DLGAP1: variants seen among roughly 807,000 people sequenced by gnomAD.
DLGAP1 encodes disks large-associated protein 1.
A neutral mutation model predicts 90.8 loss-of-function variants in DLGAP1; 11 were observed. The observed-to-expected ratio is 0.12, with a 90% confidence interval of 0.08 to 0.20. DLGAP1 has a LOEUF of 0.20. Among genes scored for constraint, DLGAP1 ranks in the 10% least tolerant of loss-of-function variants. DLGAP1 has a pLI of 1.00. For synonymous variants in DLGAP1, 558 were observed against 540.7 expected (o/e 1.03, Z -0.44); for missense variants, 1,050 against 1,333.8 (o/e 0.79, Z 3.31).
chr18:3,635,132 ATTTT>A (rs149375716), intron 7 of DLGAP1, among the ~76,000 whole-genome samples: 1 of 140,228 alleles, frequency 7.1e-6, no homozygotes. Flanking sequence ...TGTCTGTCCC[ATTTT>A]TTTTTTTTTT....
At chr18:3,559,222 T>C (rs1046506427) in intron 9 of DLGAP1, among the ~76,000 whole-genome samples, 2 of 152,252 alleles carry the variant, frequency 1.3e-5, no homozygotes, top group Non-Finnish European at 2.9e-5. Context: ...CTGATGTTAG[T>C]TCTGTTTAGA....
At chr18:3,578,071 G>A (rs1294987521) in intron 8 of DLGAP1, among the ~76,000 whole-genome samples, 3 of 152,120 alleles carry the variant, frequency 2.0e-5, no homozygotes, top group Non-Finnish European at 2.9e-5. Flanking sequence ...TACCCAAAAT[G>A]TACCATATGA....
chr18:3,628,621 T>G (rs190713469), intron 7 of DLGAP1, among the ~76,000 whole-genome samples: 1 of 152,336 alleles, frequency 6.6e-6, no homozygotes, highest in African/African-American at 2.4e-5. Flanking sequence ...ATCCCAGAAG[T>G]AACTAGTCTG....
At chr18:3,919,899 C>T (rs2072228194) in intron 3 of DLGAP1, among the ~76,000 whole-genome samples, 1 of 152,204 alleles carries the variant, frequency 6.6e-6, no homozygotes, top group African/African-American at 2.4e-5. Context: ...AGAGTGAACA[C>T]ATAGCACTGT....
chr18:3,719,375 A>ACGGT (rs1283911441), intron 7 of DLGAP1, among the ~76,000 whole-genome samples: 291 of 151,672 alleles, frequency 1.9e-3, no homozygotes, highest in African/African-American at 6.0e-3. Context: ...GACCTGATAC[A>ACGGT]GCAAAACCCT....
chr18:3,948,729 T>G (rs1435718577), intron 3 of DLGAP1, among the ~76,000 whole-genome samples: 1 of 152,132 alleles, frequency 6.6e-6, no homozygotes, highest in Admixed American at 6.5e-5. Flanking sequence ...AGCTAGGCTA[T>G]GAAGCATAAG....
chr18:4,025,998 G>C (rs755797540), intron 2 of DLGAP1, among the ~76,000 whole-genome samples: 1 of 152,222 alleles, frequency 6.6e-6, no homozygotes, highest in Admixed American at 6.5e-5. Context: ...CCCAGGAAGT[G>C]AATCTAAGTG....
intron 1 of DLGAP1, among the ~76,000 whole-genome samples, chr18:4,296,471 A>G (rs1019766432): frequency 3.3e-5 from 5 of 152,252 alleles, no homozygotes; most frequent in Non-Finnish European, 5.9e-5. Context: ...ACGTGCTTGC[A>G]TTCACAGTGT....
In DLGAP1 at chr18:3,922,409, G is replaced by A. The variant is rs150292480; in HGVS notation, c.-72-42269C>T. Among the ~76,000 whole-genome samples the A allele has an allele frequency of 8.5e-5, 13 of 152,270 alleles. No homozygotes were observed. The East Asian group carries it at 2.3e-3, about 27-fold the overall frequency. Reference sequence around the variant, plus strand: ...TCAGTAATAGCATTGTCATTTGTGCGTGTTTAAGATGAAATGCTCATGTAT... The same window carrying A: ...TCAGTAATAGCATTGTCATTTGTGCATGTTTAAGATGAAATGCTCATGTAT... On this transcript the variant is annotated intron_variant, in intron 3 of 12. Coordinates refer to ENST00000315677, the MANE Select transcript of DLGAP1 (RefSeq NM_004746.4).
intron 1 of DLGAP1, among the ~76,000 whole-genome samples, chr18:4,281,262 A>G (rs2079543223): frequency 6.6e-6 from 1 of 152,178 alleles, no homozygotes; most frequent in Admixed American, 6.5e-5. Context: ...AGTTTCTTAA[A>G]ATGTGGGGCC....
At chr18:3,505,244 G>A (rs2050150429) in intron 11 of DLGAP1, among the ~76,000 whole-genome samples, 2 of 152,158 alleles carry the variant, frequency 1.3e-5, no homozygotes, top group African/African-American at 4.8e-5. Flanking sequence ...TGGTTGAATA[G>A]ACTGGGATTT....
intron 1 of DLGAP1, chr18:4,294,371 G>A (rs1398212076): frequency 1.3e-5 from 2 of 152,212 alleles, no homozygotes; most frequent in African/African-American, 2.4e-5. Flanking sequence ...GGGTGGCCTG[G>A]GAAGACCACA....
chr18:3,541,906 G>GA lies in DLGAP1; in HGVS notation c.2058-7292dup, dbSNP rs11339725. On this transcript the variant is annotated intron_variant, in intron 9 of 12. Coordinates refer to ENST00000315677, the MANE Select transcript of DLGAP1 (RefSeq NM_004746.4). ...AATGGAAACAGAGGCAATATTGGTG[G>GA]AAAAAAAAAAAGGGGTAACAGTCCT... 3.3e-3 allele frequency among the ~76,000 whole-genome samples: 485 copies of GA among 145,176 alleles called. 2 individuals carry two copies. The highest frequency in any genetic ancestry group is 9.8e-3 in the African/African-American group (390 of 39,962).
chr18:4,062,262 T>C (rs1328215512), intron 2 of DLGAP1, among the ~76,000 whole-genome samples: 1 of 152,136 alleles, frequency 6.6e-6, no homozygotes. Context: ...CAGGACACAA[T>C]TGGAGAAACT....
intron 3 of DLGAP1, among the ~76,000 whole-genome samples, chr18:3,901,884 T>G (rs77045047): frequency 1.4e-3 from 216 of 152,312 alleles, no homozygotes; most frequent in African/African-American, 5.0e-3. Context: ...TGCCTCAACC[T>G]CTCAGTTGGC....
chr18:4,226,883 G>A (rs2078201340), intron 1 of DLGAP1, among the ~76,000 whole-genome samples: 1 of 151,716 alleles, frequency 6.6e-6, no homozygotes, highest in South Asian at 2.1e-4. Flanking sequence ...GAATGTAAAT[G>A]GACTAAACTC....
intron 2 of DLGAP1, among the ~76,000 whole-genome samples, chr18:4,012,355 C>T (rs913330868): frequency 1.3e-5 from 2 of 152,154 alleles, no homozygotes; most frequent in African/African-American, 4.8e-5. Flanking sequence ...ACACCTTTGC[C>T]CACCTGCCAT....
chr18:3,859,996 G>A (rs1395219237), intron 4 of DLGAP1, among the ~76,000 whole-genome samples: 2 of 152,030 alleles, frequency 1.3e-5, no homozygotes, highest in African/African-American at 2.4e-5. Context: ...CTACTCGGGA[G>A]GCTGAGGCAG....
intron 7 of DLGAP1, among the ~76,000 whole-genome samples, chr18:3,622,408 G>A (rs1179113195): frequency 6.6e-6 from 1 of 152,114 alleles, no homozygotes; most frequent in African/African-American, 2.4e-5. Flanking sequence ...CTCGTCCTAA[G>A]CTGATTATTT....
Sources: allele counts gnomAD v4.1 joint callset (sites outside exome capture counted in the v4.1 genomes callset), GRCh38; gene constraint gnomAD v4.1.1; transcripts MANE v1.5; gene names NCBI Gene and HGNC (gene_info 2026-07-23, HGNC 2026-07-21).